The following TEX9 variants were observed in gnomAD, a reference collection of about 807,000 sequenced individuals.
The protein encoded by TEX9 is testis expressed 9.
A neutral mutation model predicts 59.6 loss-of-function variants in TEX9; 74 were observed. The observed-to-expected ratio is 1.24, with a 90% CI of 1.03 to 1.51. The LOEUF (loss-of-function observed/expected upper bound fraction) is 1.51. Ranked by LOEUF, TEX9 falls within the 40% of genes most tolerant of loss-of-function variation. The pLI is 0.00. For missense variants in TEX9, 522 were observed against 447.8 expected, an observed-to-expected ratio of 1.17 and a Z score of -1.49; for synonymous variants, 186 against 152.2, an observed-to-expected ratio of 1.22 and a Z score of -1.64.
At chr15:56,366,658 C>A (rs1431703984) in intron 2 of TEX9, among the ~76,000 whole-genome samples, 1 of 152,116 alleles carries the variant, frequency 6.6e-6, no homozygotes, top group Non-Finnish European at 1.5e-5. Flanking sequence ...ATCATACATA[C>A]CCTTATAAAA....
At chr15:56,247,553 G>A (rs1380481924) in intron 1 of TEX9, among the ~76,000 whole-genome samples, 1 of 152,182 alleles carries the variant, frequency 6.6e-6, no homozygotes, top group Admixed American at 6.5e-5. Flanking sequence ...ACTGTTTGCT[G>A]AAGGAATAAT....
intron 1 of TEX9, among the ~76,000 whole-genome samples, chr15:56,279,239 A>G (rs2044757102): frequency 2.0e-5 from 3 of 152,182 alleles, no homozygotes; most frequent in African/African-American, 7.2e-5. Context: ...GAAACCACCA[A>G]CCTTTATACT....
chr15:56,290,443 A>G (rs1252822398), intron 1 of TEX9, among the ~76,000 whole-genome samples: 2 of 151,844 alleles, frequency 1.3e-5, no homozygotes, highest in Non-Finnish European at 2.9e-5. Flanking sequence ...TTCATCAGCA[A>G]GCCCTGCCCC....
chr15:56,396,739 C>G (rs1241544952), intron 9 of TEX9: 2 of 151,736 alleles, frequency 1.3e-5, no homozygotes, highest in African/African-American at 2.4e-5. Flanking sequence ...GAAAAAGTCT[C>G]AGGAGATCTG....
chr15:56,391,730 A>G (rs1322561528), intron 7 of TEX9, among the ~76,000 whole-genome samples: 1 of 152,078 alleles, frequency 6.6e-6, no homozygotes, highest in African/African-American at 2.4e-5. Flanking sequence ...GATTTGATTG[A>G]ATACATTTCA....
intron 1 of TEX9, among the ~76,000 whole-genome samples, chr15:56,305,169 G>A (rs376087366): frequency 6.6e-5 from 10 of 152,156 alleles, no homozygotes; most frequent in Non-Finnish European, 1.2e-4. Context: ...TTCATGGATC[G>A]GAAGAGTTAA....
chr15:56,389,454 AC>A, intron 6 of TEX9, 54 bp downstream of exon 6: 1 of 1,258,838 alleles, frequency 7.9e-7, no homozygotes, highest in Non-Finnish European at 1.1e-6. Flanking sequence ...AATTCACAAT[AC>A]CATCATTCTT....
chr15:56,285,727 T>C (rs1596065836), intron 1 of TEX9, among the ~76,000 whole-genome samples: 1 of 152,362 alleles, frequency 6.6e-6, no homozygotes, highest in East Asian at 1.9e-4. Context: ...TTAGTTTAAA[T>C]AATTTGCCTG....
intron 2 of TEX9, among the ~76,000 whole-genome samples, chr15:56,367,750 A>G (rs538967460): frequency 6.6e-6 from 1 of 152,302 alleles, no homozygotes; most frequent in African/African-American, 2.4e-5. Context: ...ACTACATAAA[A>G]TTCTTGCGTA....
intron 1 of TEX9, among the ~76,000 whole-genome samples, chr15:56,330,370 A>G (rs145479475): frequency 3.2e-4 from 49 of 152,296 alleles, no homozygotes; most frequent in African/African-American, 9.1e-4. Context: ...GTAAGTACAC[A>G]GAAAAAGTCA....
At chr15:56,369,109 C>T (rs1278156863) in intron 2 of TEX9, among the ~76,000 whole-genome samples, 1 of 151,898 alleles carries the variant, frequency 6.6e-6, no homozygotes, top group Non-Finnish European at 1.5e-5. Flanking sequence ...AAATATTATA[C>T]GATTTTCATA....
At chr15:56,305,863 A>G (rs1447076390) in intron 1 of TEX9, among the ~76,000 whole-genome samples, 3 of 152,192 alleles carry the variant, frequency 2.0e-5, no homozygotes, top group African/African-American at 7.2e-5. Context: ...AATATTCGCA[A>G]TCTATCTATC....
chr15:56,408,771 A>C (rs558092592), intron 9 of TEX9: 8 of 152,390 alleles, frequency 5.2e-5, no homozygotes, highest in Non-Finnish European at 8.8e-5. Flanking sequence ...TTCTGTCTTC[A>C]AAATACATAG....
chr15:56,374,269 C>A (rs2047323387), intron 3 of TEX9: 1 of 152,002 alleles, frequency 6.6e-6, no homozygotes, highest in African/African-American at 2.4e-5. Context: ...AGAATCTCCC[C>A]CTGCAAATAA....
At chr15:56,317,623 C>T (rs1343369974) in intron 1 of TEX9, among the ~76,000 whole-genome samples, 2 of 151,942 alleles carry the variant, frequency 1.3e-5, no homozygotes, top group Non-Finnish European at 2.9e-5. Flanking sequence ...GACATTTAGG[C>T]TTTCTATTTG....
intron 6 of TEX9, 67 bp downstream of exon 6, chr15:56,389,467 ATTAT>A: frequency 8.7e-7 from 1 of 1,146,846 alleles, no homozygotes; most frequent in East Asian, 2.5e-5. Flanking sequence ...ATCATTCTTA[ATTAT>A]TAAGCTCTGT....
At chr15:56,362,574 C>G (rs2046809040), upstream of TEX9, among the ~76,000 whole-genome samples, 1 of 152,198 alleles carries the variant, frequency 6.6e-6, no homozygotes, top group Admixed American at 6.5e-5. Flanking sequence ...TTTCACATAT[C>G]TATATTTACC....
chr15:56,303,087 G>T (rs191281198), intron 1 of TEX9, among the ~76,000 whole-genome samples: 24 of 152,282 alleles, frequency 1.6e-4, no homozygotes, highest in East Asian at 7.7e-4. Context: ...TAAAGAGAGA[G>T]ATAGACCCCA....
Position 56,413,212 on chromosome 15 carries a change from A to ATTAAATATTTAATATTTAATAC in TEX9, c.963+783_963+784insTTTAATATTTAATACTTAAATA, listed in dbSNP as rs2049464270. ...ATAATTAAATATTTAATATTTAATA[A>ATTAAATATTTAATATTTAATAC]TTAAATAATTTAATTTATTTAATAC... On this transcript the variant is annotated intron_variant, in intron 10 of 12. Transcript: ENST00000352903. Among the ~76,000 whole-genome samples the ATTAAATATTTAATATTTAATAC allele has an allele frequency of 6.8e-5, 10 of 146,694 alleles. No homozygotes were observed. In the Admixed American group the frequency reaches 6.8e-4, roughly 10 times the overall value.
Sources: gnomAD v4.1 joint callset for allele counts (sites outside exome capture counted in the v4.1 genomes callset) on GRCh38, gnomAD v4.1.1 for gene constraint, MANE v1.5 for transcripts, NCBI Gene and HGNC (gene_info 2026-07-23, HGNC 2026-07-21) for gene names.